Variants in ITM2C observed in about 807,000 individuals in gnomAD.
ITM2C encodes BRICHOS domain containing 2C.
ITM2C carries 20 observed loss-of-function variants against 30.0 expected under a neutral mutation model. The ratio of observed to expected loss-of-function variants is 0.67; its 90% CI spans 0.47 to 0.97. The LOEUF (loss-of-function observed/expected upper bound fraction) is 0.97, where lower values mean the gene tolerates loss of function less well. Ranked by LOEUF, ITM2C falls within the 50% of genes least tolerant of loss-of-function variation. ITM2C has a pLI of 0.00. For missense variants in ITM2C, 366 were observed against 371.9 expected, an observed-to-expected ratio of 0.98 and a Z score of 0.13; for synonymous variants, 167 against 156.4, an observed-to-expected ratio of 1.07 and a Z score of -0.51.
chr2:230,874,593 G>A (rs1697244113), intron 2 of ITM2C, among the ~76,000 whole-genome samples: 1 of 152,210 alleles, frequency 6.6e-6, no homozygotes, highest in East Asian at 1.9e-4. Flanking sequence ...CAGTATTCGG[G>A]GTGTCCAGCC....
chr2:230,867,552 C>T (rs912152621), intron 1 of ITM2C, among the ~76,000 whole-genome samples: 2 of 152,072 alleles, frequency 1.3e-5, no homozygotes, highest in Admixed American at 6.5e-5. Flanking sequence ...TGGGAATGCC[C>T]AGGAAAGCTT....
At chr2:230,872,716 G>A (rs1417459135) in intron 1 of ITM2C, among the ~76,000 whole-genome samples, 1 of 152,074 alleles carries the variant, frequency 6.6e-6, no homozygotes, top group Non-Finnish European at 1.5e-5. Flanking sequence ...GCCTGTGGGG[G>A]GCCAGTGTGG....
intron 1 of ITM2C, among the ~76,000 whole-genome samples, chr2:230,869,234 G>A (rs1344017138): frequency 1.3e-5 from 2 of 152,190 alleles, no homozygotes; most frequent in South Asian, 2.1e-4. Flanking sequence ...GAGGGAATTC[G>A]CCTGGCCCAG....
rs771158107 is a variant in ITM2C at position 230,865,056 on chromosome 2, G to A, written c.31G>A (p.Ala11Thr). Reference sequence around the variant, plus strand: ...GAAGATTAGCTTCCAGCCCGCCGTGGCTGGCATCAAGGGCGACAAGGCTGA... The same window carrying A: ...GAAGATTAGCTTCCAGCCCGCCGTGACTGGCATCAAGGGCGACAAGGCTGA... MVKISFQPAV[A>T]GIKGDKADKA... The change falls in exon 1 of 6, where the codon GCT becomes ACT. Residue 11 changes from alanine to threonine, a missense_variant. Ala to Thr is a moderately conservative substitution (Grantham distance 58, BLOSUM62 0). Transcript: ENST00000326427. The surrounding 1 kb of genome is among the most constrained non-coding windows in gnomAD (Gnocchi z 6.8). 3.3e-6 allele frequency: 5 copies of A among 1,527,826 alleles called. No homozygotes were observed. The South Asian group carries it at 6.1e-5, about 19-fold the overall frequency. 94.6% of individuals were successfully genotyped at this position (1,527,826 alleles called of 1,614,324 possible). A position where few individuals can be genotyped will look rare whatever the true frequency, so the allele number is the denominator to read the frequency against.
Position 230,874,763 on chromosome 2 carries a change from G to A in ITM2C, c.262-857G>A, listed in dbSNP as rs558512344. On this transcript the variant is annotated intron_variant, in intron 2 of 5. Transcript: ENST00000326427. ...CCGATCCCAGGCCAGGCAGTCCCAA[G>A]CATGTATCTACAGGCCCCTCCAGGA... Among the ~76,000 whole-genome samples, 297 of 152,336 alleles carry A rather than the reference G, an allele frequency of 1.9e-3. 3 individuals are homozygous for A. The highest frequency in any genetic ancestry group is 6.9e-3 in the African/African-American group (289 of 41,584).
chr2:230,864,729 C>T (rs62195263), upstream of ITM2C: 8,082 of 73,274 alleles, frequency 0.11, 233 homozygotes, highest in South Asian at 0.19. The surrounding 1 kb of genome is among the most constrained non-coding windows in gnomAD (Gnocchi z 4.3). Context: ...AGTGAGTGAG[C>T]GAGCGAGTGA....
chr2:230,870,933 T>C (rs1317058311), intron 1 of ITM2C, among the ~76,000 whole-genome samples: 2 of 152,150 alleles, frequency 1.3e-5, no homozygotes, highest in Non-Finnish European at 2.9e-5. Flanking sequence ...TTTCCCTGGT[T>C]TTCCAGAATG....
At position 230,865,085 on chromosome 2, in the gene ITM2C, G is replaced by A. The variant is rs1405456905; in HGVS notation, c.60G>A (p.Lys20=). ...VAGIKGDKAD[K]ASASAPAPAS... is the part of the protein sequence containing the mutation. ...GCATCAAGGGCGACAAGGCTGACAA[G>A]GCGTCGGCGTCGGCCCCTGCGCCGG... is the stretch of plus-strand genomic sequence containing the variant. Residue 20 remains lysine, a synonymous_variant, in exon 1 of 6, where the codon AAG becomes AAA. Transcript: ENST00000326427. The surrounding 1 kb of genome is among the most constrained non-coding windows in gnomAD (Gnocchi z 6.8). 6.5e-7 allele frequency: 1 copy of A among 1,529,822 alleles called. No homozygotes were observed. The highest frequency in any genetic ancestry group is 8.8e-7 in the Non-Finnish European group (1 of 1,135,380). 94.8% of individuals were successfully genotyped at this position (1,529,822 alleles called of 1,614,324 possible).
intron 1 of ITM2C, among the ~76,000 whole-genome samples, chr2:230,870,521 C>T (rs1018279445): frequency 2.6e-5 from 4 of 152,212 alleles, no homozygotes; most frequent in Admixed American, 1.3e-4. Context: ...AGTGCCCACC[C>T]GCAGTCTAGG....
chr2:230,865,025 C>T lies in ITM2C; in HGVS notation c.-1C>T. 1 of 1,509,222 alleles carries T rather than the reference C, an allele frequency of 6.6e-7. No homozygotes were observed. The highest frequency in any genetic ancestry group is 8.9e-7 in the Non-Finnish European group (1 of 1,121,604). 93.5% of individuals were successfully genotyped at this position (1,509,222 alleles called of 1,614,324 possible). A position where few individuals can be genotyped will look rare whatever the true frequency, so the allele number is the denominator to read the frequency against. Reference sequence around the variant, plus strand: ...GGGCGGACGCGCGGGCCGGCGCAGCCATGGTGAAGATTAGCTTCCAGCCCG... The same window carrying T: ...GGGCGGACGCGCGGGCCGGCGCAGCTATGGTGAAGATTAGCTTCCAGCCCG... On this transcript the variant is annotated 5_prime_UTR_variant, in exon 1 of 6. Transcript: ENST00000326427. The surrounding 1 kb of genome is among the most constrained non-coding windows in gnomAD (Gnocchi z 6.8).
intron 1 of ITM2C, among the ~76,000 whole-genome samples, chr2:230,867,209 G>A (rs1039425552): frequency 4.6e-5 from 7 of 152,196 alleles, no homozygotes; most frequent in African/African-American, 1.7e-4. Flanking sequence ...GGCATCTTTA[G>A]GACAGAACTG....
Position 230,878,169 on chromosome 2 carries a change from C to T in ITM2C, c.*70C>T, listed in dbSNP as rs1689977815. ...TTTCCGGCTGCTCTCTGGCCCTCCT[C>T]CTTCCCCCTGCTTAGCTTGTACTTT... On this transcript the variant is annotated 3_prime_UTR_variant, in exon 6 of 6. Transcript: ENST00000326427. The surrounding 1 kb of genome is among the most constrained non-coding windows in gnomAD (Gnocchi z 4.5). 1.2e-5 allele frequency: 13 copies of T among 1,127,960 alleles called. No homozygotes were observed. The highest frequency in any genetic ancestry group is 1.6e-5 in the Non-Finnish European group (13 of 790,394). 69.9% of individuals were successfully genotyped at this position (1,127,960 alleles called of 1,614,324 possible).
At chr2:230,871,846 C>T (rs189367545) in intron 1 of ITM2C, among the ~76,000 whole-genome samples, 6 of 152,320 alleles carry the variant, frequency 3.9e-5, no homozygotes, top group Admixed American at 3.9e-4. Context: ...CGGGTCAGAC[C>T]CTCAGCTCCC....
chr2:230,877,076 G>A lies in ITM2C; in HGVS notation c.561+109G>A, dbSNP rs574087207. ...GAAGTTCCTGTGTCAGGGGTTGGGG[G>A]AGCAAGAGACATTGCTGGCACCTGG... On this transcript the variant is annotated intron_variant, in intron 4 of 5. Coordinates refer to ENST00000326427, the MANE Select transcript of ITM2C (RefSeq NM_030926.6). This position sits in a 1 kb window ranked among gnomAD's most constrained non-coding sequence, Gnocchi z 4.8. The A allele has an allele frequency of 1.2e-6, 1 of 817,996 alleles. No individual in the cohort carries two copies. Among genetic ancestry groups the A allele is most frequent in the African/African-American group, 1.7e-5 (1 of 59,734 alleles). 50.7% of individuals were successfully genotyped at this position (817,996 alleles called of 1,614,324 possible). A position where few individuals can be genotyped will look rare whatever the true frequency, so the allele number is the denominator to read the frequency against.
At position 230,865,084 on chromosome 2, in the gene ITM2C, A is replaced by AGGCGTC. The variant is rs1559153462; in HGVS notation, c.69_74dup (p.Ser24_Ala25dup). ...GGCATCAAGGGCGACAAGGCTGACAAGGCGTCGGCGTCGGCCCCTGCGCCG... is the reference window on the plus strand; with the variant it reads ...GGCATCAAGGGCGACAAGGCTGACAAGGCGTCGGCGTCGGCGTCGGCCCCTGCGCCG... On this transcript the variant is annotated inframe_insertion, in exon 1 of 6. Coordinates refer to ENST00000326427, the MANE Select transcript of ITM2C (RefSeq NM_030926.6). The surrounding 1 kb of genome is among the most constrained non-coding windows in gnomAD (Gnocchi z 6.8). 7 of 1,535,434 alleles carry AGGCGTC rather than the reference A, an allele frequency of 4.6e-6. No individual in the cohort carries two copies. The highest frequency in any genetic ancestry group is 1.4e-5 in the African/African-American group (1 of 70,950).
chr2:230,867,350 C>T (rs897930916), intron 1 of ITM2C, among the ~76,000 whole-genome samples: 2 of 152,234 alleles, frequency 1.3e-5, no homozygotes, highest in African/African-American at 4.8e-5. Context: ...TGCGGGCCTC[C>T]TGTTGCCCCA....
Position 230,878,117 on chromosome 2 carries a change from A to C in ITM2C, c.*18A>C. ...TGGTGTGAGGCCCTCCTCCCCCAGAACCCCCTGCCGTGTTCCTCTTTTCTT... is the reference window on the plus strand; with the variant it reads ...TGGTGTGAGGCCCTCCTCCCCCAGACCCCCCTGCCGTGTTCCTCTTTTCTT... On this transcript the variant is annotated 3_prime_UTR_variant, in exon 6 of 6. Coordinates refer to ENST00000326427, the MANE Select transcript of ITM2C (RefSeq NM_030926.6). The surrounding 1 kb of genome is among the most constrained non-coding windows in gnomAD (Gnocchi z 4.5). 2 of 1,538,726 alleles carry C rather than the reference A, an allele frequency of 1.3e-6. No individual in the cohort carries two copies. The highest frequency in any genetic ancestry group is 1.9e-5 in the Admixed American group (1 of 53,782).
At chr2:230,875,486 T>G in intron 2 of ITM2C, 134 bp from the exon 3 acceptor site, 1 of 709,388 alleles carries the variant, frequency 1.4e-6, no homozygotes, top group Non-Finnish European at 2.3e-6. Context: ...GCGAAATGGG[T>G]CTCACAGTCC....
At chr2:230,871,926 C>T (rs1866230) in intron 1 of ITM2C, among the ~76,000 whole-genome samples, 81,157 of 152,226 alleles carry the variant, frequency 0.53, 24,217 homozygotes, top group East Asian at 0.89. Context: ...GCGAAGCAGG[C>T]GCCCCCAGGG....
Sources: allele counts gnomAD v4.1 joint callset (sites outside exome capture counted in the v4.1 genomes callset), GRCh38; gene constraint gnomAD v4.1.1; non-coding constraint Gnocchi (gnomAD v3.1); transcripts MANE v1.5; gene names NCBI Gene and HGNC (gene_info 2026-07-23, HGNC 2026-07-21).